KCNH8: variants seen among roughly 807,000 people sequenced by gnomAD.
KCNH8 encodes the protein voltage-gated delayed rectifier potassium channel KCNH8.
In KCNH8, 70 loss-of-function variants were observed where a neutral mutation model predicts 103.6. That is an observed-to-expected ratio of 0.68 (90% CI 0.56 to 0.82). The LOEUF (loss-of-function observed/expected upper bound fraction) is 0.82. Ranked by LOEUF, KCNH8 falls within the 40% of genes least tolerant of loss-of-function variation. The pLI is 0.00. For synonymous variants in KCNH8, 498 were observed against 489.4 expected (o/e 1.02, Z -0.23); for missense variants, 1,217 against 1,329.9 (o/e 0.92, Z 1.32).
At chr3:19,166,764 T>C (rs1340640333) in intron 1 of KCNH8, among the ~76,000 whole-genome samples, 3 of 152,184 alleles carry the variant, frequency 2.0e-5, no homozygotes, top group Non-Finnish European at 4.4e-5. Flanking sequence ...TCTTAAACTC[T>C]ATGCTGCACT....
At chr3:19,363,909 T>C (rs2065977692) in intron 5 of KCNH8, among the ~76,000 whole-genome samples, 1 of 152,142 alleles carries the variant, frequency 6.6e-6, no homozygotes, top group African/African-American at 2.4e-5. Context: ...GATACTGACT[T>C]GGATACTGAA....
chr3:19,337,292 A>G (rs1271131724), intron 3 of KCNH8, among the ~76,000 whole-genome samples: 1 of 152,104 alleles, frequency 6.6e-6, no homozygotes. Context: ...AACCAAGACA[A>G]AGTTCCTGGC....
intron 11 of KCNH8, among the ~76,000 whole-genome samples, chr3:19,475,153 T>C (rs1356370003): frequency 1.3e-5 from 2 of 152,192 alleles, no homozygotes; most frequent in Non-Finnish European, 2.9e-5. Flanking sequence ...TAAATATTCA[T>C]TGAGGCATCA....
chr3:19,455,066 A>G (rs928532251), intron 10 of KCNH8, among the ~76,000 whole-genome samples: 1 of 152,150 alleles, frequency 6.6e-6, no homozygotes, highest in East Asian at 1.9e-4. Context: ...TGCCAATGAA[A>G]AAAAGCTAAT....
chr3:19,406,006 AG>A (rs2066685984), intron 7 of KCNH8, among the ~76,000 whole-genome samples: 1 of 152,062 alleles, frequency 6.6e-6, no homozygotes, highest in African/African-American at 2.4e-5. Flanking sequence ...AAAACATCTG[AG>A]AGCTAGTTGA....
intron 1 of KCNH8, among the ~76,000 whole-genome samples, chr3:19,248,071 A>G (rs2064228321): frequency 6.6e-6 from 1 of 152,204 alleles, no homozygotes; most frequent in Admixed American, 6.5e-5. Context: ...ATCAAAACAA[A>G]ATAACACTAC....
chr3:19,257,221 C>T (rs1053560567), intron 2 of KCNH8, among the ~76,000 whole-genome samples: 3 of 152,022 alleles, frequency 2.0e-5, no homozygotes, highest in Non-Finnish European at 4.4e-5. Context: ...TCCCCAGATA[C>T]ATTTTGACAT....
chr3:19,264,804 CT>C (rs2064485569), intron 2 of KCNH8, among the ~76,000 whole-genome samples: 1 of 152,102 alleles, frequency 6.6e-6, no homozygotes, highest in Admixed American at 6.6e-5. Context: ...TTCATCAACC[CT>C]TTGAGGAATA....
intron 3 of KCNH8, among the ~76,000 whole-genome samples, chr3:19,332,604 C>G (rs1033555664): frequency 2.6e-5 from 4 of 152,022 alleles, no homozygotes; most frequent in African/African-American, 9.7e-5. Flanking sequence ...AATTCCCAAC[C>G]TATTTTTTAG....
intron 11 of KCNH8, among the ~76,000 whole-genome samples, chr3:19,483,568 C>A (rs2068135164): frequency 6.6e-6 from 1 of 152,190 alleles, no homozygotes; most frequent in Non-Finnish European, 1.5e-5. Context: ...TCTCCACATA[C>A]ATAACATGAA....
At chr3:19,196,597 A>G (rs2063604687) in intron 1 of KCNH8, among the ~76,000 whole-genome samples, 1 of 151,966 alleles carries the variant, frequency 6.6e-6, no homozygotes. Context: ...TGGAAAGTGG[A>G]TAGAAGTGCA....
chr3:19,326,440 CA>C (rs1362100926), intron 3 of KCNH8, among the ~76,000 whole-genome samples: 2 of 149,180 alleles, frequency 1.3e-5, no homozygotes, highest in Non-Finnish European at 3.0e-5. Context: ...TAGACATGAC[CA>C]GAGCCAAGGC....
chr3:19,271,951 C>T (rs575051432), intron 2 of KCNH8, among the ~76,000 whole-genome samples: 38 of 152,086 alleles, frequency 2.5e-4, no homozygotes, highest in African/African-American at 8.7e-4. Context: ...AATAATAATT[C>T]ACTGAAAAAT....
chr3:19,301,014 A>G (rs1462806600), intron 3 of KCNH8, among the ~76,000 whole-genome samples: 2 of 151,672 alleles, frequency 1.3e-5, no homozygotes, highest in African/African-American at 4.8e-5. Context: ...TATTCTTCTA[A>G]GTATTTTCAT....
At chr3:19,255,533 G>T (rs374751583) in intron 2 of KCNH8, among the ~76,000 whole-genome samples, 4 of 152,016 alleles carry the variant, frequency 2.6e-5, no homozygotes, top group Non-Finnish European at 5.9e-5. Context: ...GAGCATCCTC[G>T]TCTTGTGCTG....
At chr3:19,228,006 T>C (rs1397362188) in intron 1 of KCNH8, among the ~76,000 whole-genome samples, 1 of 152,172 alleles carries the variant, frequency 6.6e-6, no homozygotes, top group Non-Finnish European at 1.5e-5. Context: ...TTATCATTCC[T>C]ACTTAGATTC....
In KCNH8 at chr3:19,212,803, T is replaced by TA. The variant is rs1387420435; in HGVS notation, c.77-40848dup. ...TTGAGCATATCAGCAATTCTTCAGTTAAATCACTTTGTATTTTTTCTGTAG... is the reference window on the plus strand; with the variant it reads ...TTGAGCATATCAGCAATTCTTCAGTTAAAATCACTTTGTATTTTTTCTGTAG... On this transcript the variant is annotated intron_variant, in intron 1 of 15. Coordinates refer to ENST00000328405, the MANE Select transcript of KCNH8 (RefSeq NM_144633.3). Among the ~76,000 whole-genome samples, 9 of 152,330 alleles carry TA rather than the reference T, an allele frequency of 5.9e-5. No homozygotes were observed. The East Asian group carries it at 1.7e-3, about 29-fold the overall frequency.
intron 14 of KCNH8, among the ~76,000 whole-genome samples, chr3:19,515,973 C>T (rs1024382330): frequency 2.6e-5 from 4 of 152,042 alleles, no homozygotes; most frequent in Non-Finnish European, 2.9e-5. Flanking sequence ...CCAAATCCCT[C>T]TCTTTACTTT....
rs137892485 is a variant in KCNH8, at chr3:19,316,595, A to T, written c.443-25992A>T. On this transcript the variant is annotated intron_variant, in intron 3 of 15. Transcript: ENST00000328405. ...ATAAAGCAATCCTCCAAAAAGGGCT[A>T]TCTCTCTGCTCCTCCAGCTCTTACA... 3.4e-3 allele frequency among the ~76,000 whole-genome samples: 516 copies of T among 152,112 alleles called. 6 individuals carry two copies. The highest frequency in any genetic ancestry group is 3.4e-3 in the Non-Finnish European group (234 of 67,928).
Sources: gnomAD v4.1 joint callset for allele counts (sites outside exome capture counted in the v4.1 genomes callset) on GRCh38, gnomAD v4.1.1 for gene constraint, MANE v1.5 for transcripts, NCBI Gene and HGNC (gene_info 2026-07-23, HGNC 2026-07-21) for gene names.